FOXP1: variants seen among roughly 807,000 people sequenced by gnomAD.
FOXP1 encodes forkhead box P1.
Under a neutral mutation model 98.2 loss-of-function variants are expected in FOXP1, and 15 were observed. The ratio of observed to expected loss-of-function variants is 0.15; its 90% CI spans 0.10 to 0.24. The LOEUF (loss-of-function observed/expected upper bound fraction) is 0.24, where lower values mean the gene tolerates loss of function less well. Ranked by LOEUF, FOXP1 falls within the 10% of genes least tolerant of loss-of-function variation. FOXP1 has a pLI of 1.00. For missense variants in FOXP1, 633 were observed against 848.5 expected (o/e 0.75, Z 3.15); for synonymous variants, 371 against 314.5 (o/e 1.18, Z -1.90).
At chr3:71,542,135 G>T (rs1055828309) in intron 2 of FOXP1, 9 of 449,532 alleles carry the variant, frequency 2.0e-5, no homozygotes, top group Admixed American at 8.7e-5. Flanking sequence ...TTTACAAAAT[G>T]GCTCAACAAT....
intron 7 of FOXP1, among the ~76,000 whole-genome samples, chr3:71,092,207 CA>C (rs200123967): frequency 1.4e-5 from 2 of 145,774 alleles, no homozygotes; most frequent in East Asian, 2.0e-4. Context: ...AAACAAAAAA[CA>C]AAAAAAAACA....
chr3:71,400,511 C>T (rs1254651940), intron 3 of FOXP1, among the ~76,000 whole-genome samples: 2 of 152,134 alleles, frequency 1.3e-5, no homozygotes, highest in Non-Finnish European at 2.9e-5. Flanking sequence ...GCACGAGCCA[C>T]CATGCCTGGC....
At chr3:71,326,659 ATGATCTACT>A (rs2075710504) in intron 4 of FOXP1, among the ~76,000 whole-genome samples, 1 of 152,224 alleles carries the variant, frequency 6.6e-6, no homozygotes, top group Non-Finnish European at 1.5e-5. Flanking sequence ...CCTCGTCTAA[ATGATCTACT>A]TGAGAACAGC....
At chr3:70,997,811 A>G (rs1043581034) in intron 13 of FOXP1, among the ~76,000 whole-genome samples, 1 of 152,202 alleles carries the variant, frequency 6.6e-6, no homozygotes, top group East Asian at 1.9e-4. Context: ...CTCCAGCAAG[A>G]TTCCTGCTAT....
chr3:71,197,972 A>G lies in FOXP1; in HGVS notation c.180+230T>C, dbSNP rs182985163. 17 of 1,614,082 alleles carry G rather than the reference A, an allele frequency of 1.1e-5. No homozygotes were observed. In the African/African-American group the frequency reaches 1.9e-4, roughly 18 times the overall value. On this transcript the variant is annotated intron_variant, in intron 6 of 20. Coordinates refer to ENST00000649528, the MANE Select transcript of FOXP1 (RefSeq NM_001349338.3). ...TTCGTCTCAGCAACTGCTCCCCACAAGGGGACCTGCAGGACTTCCAACTCC... is the reference window on the plus strand; with the variant it reads ...TTCGTCTCAGCAACTGCTCCCCACAGGGGGACCTGCAGGACTTCCAACTCC...
intron 2 of FOXP1, among the ~76,000 whole-genome samples, chr3:71,502,890 A>G (rs2041503380): frequency 6.6e-6 from 1 of 152,160 alleles, no homozygotes; most frequent in East Asian, 1.9e-4. Flanking sequence ...ATAATGTTTC[A>G]AAGAATGAAG....
intron 6 of FOXP1, among the ~76,000 whole-genome samples, chr3:71,114,317 A>G (rs2058189845): frequency 6.6e-6 from 1 of 152,190 alleles, no homozygotes; most frequent in Non-Finnish European, 1.5e-5. Flanking sequence ...CTGTGCCTGG[A>G]ACTCAGAAGA....
intron 4 of FOXP1, among the ~76,000 whole-genome samples, chr3:71,338,291 C>A (rs1017711417): frequency 1.3e-5 from 2 of 151,920 alleles, no homozygotes; most frequent in African/African-American, 2.4e-5. Context: ...GTCCACTAAT[C>A]CTCTTCGGTT....
chr3:71,059,230 C>T (rs1378676374), intron 7 of FOXP1, among the ~76,000 whole-genome samples: 2 of 152,160 alleles, frequency 1.3e-5, no homozygotes, highest in Non-Finnish European at 2.9e-5. Context: ...CCAAGGCTCG[C>T]CTGCCAATCA....
chr3:71,088,109 G>A (rs796763879), intron 7 of FOXP1, among the ~76,000 whole-genome samples: 20 of 152,306 alleles, frequency 1.3e-4, no homozygotes, highest in African/African-American at 4.8e-4. Flanking sequence ...CAAGATGCTG[G>A]GGAATAGATG....
intron 4 of FOXP1, among the ~76,000 whole-genome samples, chr3:71,309,760 G>C (rs1175200171): frequency 6.6e-6 from 1 of 151,954 alleles, no homozygotes; most frequent in Non-Finnish European, 1.5e-5. Context: ...GTCGTTATCT[G>C]TTCAGAGTGG....
At chr3:71,439,856 G>A (rs1251474313) in intron 3 of FOXP1, among the ~76,000 whole-genome samples, 1 of 150,898 alleles carries the variant, frequency 6.6e-6, no homozygotes, top group Non-Finnish European at 1.5e-5. Context: ...TGAGGCAGGA[G>A]AATTGCCTGA....
At chr3:71,132,060 C>T (rs1368041990) in intron 6 of FOXP1, among the ~76,000 whole-genome samples, 1 of 152,010 alleles carries the variant, frequency 6.6e-6, no homozygotes, top group Non-Finnish European at 1.5e-5. Flanking sequence ...AATCCCTTTT[C>T]AAGGGGCAGG....
At chr3:71,512,768 G>A (rs1478315847) in intron 2 of FOXP1, among the ~76,000 whole-genome samples, 3 of 152,114 alleles carry the variant, frequency 2.0e-5, no homozygotes, top group Non-Finnish European at 4.4e-5. Context: ...CCACATCCTG[G>A]TGCCGTCATC....
chr3:71,516,096 G>A (rs898142839), intron 2 of FOXP1, among the ~76,000 whole-genome samples: 1 of 152,202 alleles, frequency 6.6e-6, no homozygotes, highest in Non-Finnish European at 1.5e-5. Context: ...AGCTACAGAA[G>A]AGATCAGAGA....
chr3:71,371,873 A>G (rs2107988267), intron 3 of FOXP1, among the ~76,000 whole-genome samples: 1 of 152,126 alleles, frequency 6.6e-6, no homozygotes, highest in East Asian at 1.9e-4. Flanking sequence ...TAATAACCAC[A>G]TGGAGCCACA....
At chr3:71,573,196 C>A (rs1223402849) in intron 2 of FOXP1, among the ~76,000 whole-genome samples, 1 of 152,166 alleles carries the variant, frequency 6.6e-6, no homozygotes, top group Non-Finnish European at 1.5e-5. Flanking sequence ...AAAGCAAACA[C>A]AGAAATGAGA....
At chr3:71,415,985 C>G (rs1313173398) in intron 3 of FOXP1, among the ~76,000 whole-genome samples, 1 of 152,194 alleles carries the variant, frequency 6.6e-6, no homozygotes. Flanking sequence ...TCTTTCGTCA[C>G]AGGAATGATA....
At chr3:71,053,591 T>G (rs773535040) in intron 8 of FOXP1, 45 bp downstream of exon 8, 7 of 1,612,630 alleles carry the variant, frequency 4.3e-6, no homozygotes, top group Non-Finnish European at 5.9e-6. Flanking sequence ...TGGGGGCCCC[T>G]GGGTTCTGGG....
Sources: gnomAD v4.1 joint callset for allele counts (sites outside exome capture counted in the v4.1 genomes callset) on GRCh38, gnomAD v4.1.1 for gene constraint, MANE v1.5 for transcripts, NCBI Gene and HGNC (gene_info 2026-07-23, HGNC 2026-07-21) for gene names.